The following B3GALT1 variants were observed in gnomAD, a reference collection of about 807,000 sequenced individuals.
B3GALT1 encodes beta-1,3-galactosyltransferase 1.
Under a neutral mutation model 23.2 loss-of-function variants are expected in B3GALT1, and 10 were observed. The ratio of observed to expected loss-of-function variants is 0.43; its 90% CI spans 0.27 to 0.73. The LOEUF (loss-of-function observed/expected upper bound fraction) is 0.73. Ranked by LOEUF, B3GALT1 falls within the 30% of genes least tolerant of loss-of-function variation. B3GALT1 has a pLI of 0.21. For missense variants in B3GALT1, 299 were observed against 405.4 expected (o/e 0.74, Z 2.25); for synonymous variants, 156 against 141.5 (o/e 1.10, Z -0.73).
chr2:167,740,544 T>C (rs1486278978), intron 3 of B3GALT1, among the ~76,000 whole-genome samples: 1 of 152,174 alleles, frequency 6.6e-6, no homozygotes, highest in Non-Finnish European at 1.5e-5. Flanking sequence ...AATAAATAAC[T>C]ATATTATTTT....
intron 4 of B3GALT1, among the ~76,000 whole-genome samples, chr2:167,841,755 T>C (rs1160894169): frequency 6.6e-6 from 1 of 152,174 alleles, no homozygotes; most frequent in Non-Finnish European, 1.5e-5. Context: ...ACCAAGATAC[T>C]AGAAATCAGA....
chr2:167,506,210 G>A (rs994624030), intron 2 of B3GALT1, among the ~76,000 whole-genome samples: 1 of 152,092 alleles, frequency 6.6e-6, no homozygotes, highest in South Asian at 2.1e-4. Flanking sequence ...CATATAAGTC[G>A]TGCTGCCCCT....
intron 1 of B3GALT1, among the ~76,000 whole-genome samples, chr2:167,394,040 T>C (rs1254800891): frequency 6.6e-6 from 1 of 152,228 alleles, no homozygotes; most frequent in Non-Finnish European, 1.5e-5. Flanking sequence ...AGAGTTCTTA[T>C]CTAAAATAAG....
At chr2:167,749,646 G>A (rs1439510113) in intron 3 of B3GALT1, among the ~76,000 whole-genome samples, 1 of 152,144 alleles carries the variant, frequency 6.6e-6, no homozygotes, top group African/African-American at 2.4e-5. Flanking sequence ...ATTAAATGCA[G>A]TATGATTTAT....
At chr2:167,484,691 AC>A (rs59702146) in intron 1 of B3GALT1, among the ~76,000 whole-genome samples, 1,695 of 152,262 alleles carry the variant, frequency 0.011, 31 homozygotes, top group African/African-American at 0.039. Flanking sequence ...ATAAGTGGCT[AC>A]CCTTAGAGGC....
rs530008074 is a variant in B3GALT1, at chr2:167,867,127, C to T, written c.-229-1684C>T. Among the ~76,000 whole-genome samples the T allele has an allele frequency of 6.2e-4, 94 of 152,188 alleles. 1 individual carries two copies. The highest frequency in any genetic ancestry group is 5.8e-4 in the East Asian group (3 of 5,164). ...ATTTTTAGTAGAGACGGGGTTTCAC[C>T]GTTTTAGCCAGGATGGTCTCGATCT... On this transcript the variant is annotated intron_variant, in intron 4 of 4. Transcript: ENST00000392690.
intron 3 of B3GALT1, chr2:167,715,269 T>A (rs1181505483): frequency 1.9e-6 from 3 of 1,613,818 alleles, no homozygotes; most frequent in Admixed American, 1.7e-5. Flanking sequence ...CCAGTCAGGG[T>A]CTTGATGTGA....
intron 4 of B3GALT1, among the ~76,000 whole-genome samples, chr2:167,844,596 G>T (rs114998720): frequency 1.1e-3 from 175 of 152,360 alleles, no homozygotes; most frequent in African/African-American, 4.1e-3. Flanking sequence ...GGCCTTGGGA[G>T]CTCGCTGGGT....
intron 4 of B3GALT1, among the ~76,000 whole-genome samples, chr2:167,857,803 T>G (rs1323137229): frequency 6.6e-6 from 1 of 152,122 alleles, no homozygotes; most frequent in Non-Finnish European, 1.5e-5. Context: ...CACCCAGGCA[T>G]TCCTTTGGGT....
intron 2 of B3GALT1, among the ~76,000 whole-genome samples, chr2:167,603,626 T>A (rs1852904): frequency 0.8 from 121,976 of 152,190 alleles, 48,966 homozygotes; most frequent in Admixed American, 0.87. Flanking sequence ...GCATAATAAC[T>A]AATTGTTAGA....
intron 2 of B3GALT1, among the ~76,000 whole-genome samples, chr2:167,532,358 G>T (rs2105368567): frequency 6.6e-6 from 1 of 152,186 alleles, no homozygotes; most frequent in South Asian, 2.1e-4. Flanking sequence ...AATATTCTTT[G>T]TTTAGGCCCT....
At chr2:167,409,997 A>G (rs1471089930) in intron 1 of B3GALT1, among the ~76,000 whole-genome samples, 2 of 152,154 alleles carry the variant, frequency 1.3e-5, no homozygotes, top group African/African-American at 2.4e-5. Context: ...TTGCAGCACT[A>G]TTTACAATAG....
intron 3 of B3GALT1, among the ~76,000 whole-genome samples, chr2:167,803,150 G>C (rs1688673343): frequency 6.6e-6 from 1 of 150,806 alleles, no homozygotes; most frequent in South Asian, 2.1e-4. Flanking sequence ...AATGGTTTCA[G>C]AATACAGAAA....
At chr2:167,477,119 A>G (rs749667307) in intron 1 of B3GALT1, among the ~76,000 whole-genome samples, 3 of 152,214 alleles carry the variant, frequency 2.0e-5, no homozygotes, top group Non-Finnish European at 4.4e-5. Context: ...TCATGTTTCA[A>G]ATTCCTCCCA....
At chr2:167,671,086 C>A (rs2122083) in intron 3 of B3GALT1, among the ~76,000 whole-genome samples, 14,288 of 152,022 alleles carry the variant, frequency 0.094, 1,623 homozygotes, top group African/African-American at 0.25. Flanking sequence ...GTGACAAGAC[C>A]AAGAAGGTCA....
intron 3 of B3GALT1, among the ~76,000 whole-genome samples, chr2:167,669,968 A>G (rs986804739): frequency 2.0e-5 from 3 of 152,178 alleles, no homozygotes; most frequent in Non-Finnish European, 4.4e-5. Flanking sequence ...GAACTCCACA[A>G]CAAGCCGCAG....
At chr2:167,608,738 G>A (rs10211225) in intron 2 of B3GALT1, among the ~76,000 whole-genome samples, 5,844 of 152,204 alleles carry the variant, frequency 0.038, 403 homozygotes, top group African/African-American at 0.13. Context: ...AAACAAATCA[G>A]CAAATCATAC....
chr2:167,576,965 C>T (rs1417032191), intron 2 of B3GALT1, among the ~76,000 whole-genome samples: 1 of 151,710 alleles, frequency 6.6e-6, no homozygotes, highest in East Asian at 1.9e-4. Context: ...TGATTTCTCC[C>T]ATCTGTCCTT....
At chr2:167,630,640 A>G (rs1446399550) in intron 2 of B3GALT1, among the ~76,000 whole-genome samples, 1 of 151,690 alleles carries the variant, frequency 6.6e-6, no homozygotes, top group South Asian at 2.1e-4. Flanking sequence ...GCAAAAAAAA[A>G]AGCTAGATAG....
Sources: allele counts gnomAD v4.1 joint callset (sites outside exome capture counted in the v4.1 genomes callset), GRCh38; gene constraint gnomAD v4.1.1; transcripts MANE v1.5; gene names NCBI Gene and HGNC (gene_info 2026-07-23, HGNC 2026-07-21).